Variants in PRKN observed in about 807,000 individuals in gnomAD.
PRKN encodes parkin RBR E3 ubiquitin protein ligase.
A neutral mutation model predicts 59.5 loss-of-function variants in PRKN; 56 were observed. The observed-to-expected ratio is 0.94, with a 90% CI of 0.76 to 1.18. The LOEUF (loss-of-function observed/expected upper bound fraction) is 1.18. Ranked by LOEUF, PRKN falls within the 50% of genes most tolerant of loss-of-function variation. PRKN has a pLI of 0.00. For missense variants in PRKN, 657 were observed against 596.4 expected (o/e 1.10, Z -1.06); for synonymous variants, 250 against 222.1 (o/e 1.13, Z -1.12).
chr6:162,074,478 T>G (rs1228339486), intron 4 of PRKN, among the ~76,000 whole-genome samples: 1 of 149,038 alleles, frequency 6.7e-6, no homozygotes, highest in Non-Finnish European at 1.5e-5. Flanking sequence ...TGGGGACTGT[T>G]GTGTGGTGGG....
chr6:161,687,045 A>G (rs780339018), intron 7 of PRKN, among the ~76,000 whole-genome samples: 4 of 152,160 alleles, frequency 2.6e-5, no homozygotes, highest in African/African-American at 4.8e-5. Context: ...AGAATCAAGA[A>G]GTCATGTTTG....
At chr6:161,597,074 G>C (rs1781941371) in intron 7 of PRKN, among the ~76,000 whole-genome samples, 2 of 152,188 alleles carry the variant, frequency 1.3e-5, no homozygotes, top group East Asian at 1.9e-4. Flanking sequence ...AAATTCAAAA[G>C]AACAAGAGGC....
chr6:161,721,206 T>TA (rs1224093487), intron 7 of PRKN, among the ~76,000 whole-genome samples: 1 of 152,252 alleles, frequency 6.6e-6, no homozygotes, highest in Non-Finnish European at 1.5e-5. Context: ...TGTGTATGTA[T>TA]AAAATGTATA....
At chr6:161,477,759 A>C (rs981707584) in intron 9 of PRKN, among the ~76,000 whole-genome samples, 2 of 152,218 alleles carry the variant, frequency 1.3e-5, no homozygotes, top group Admixed American at 1.3e-4. Flanking sequence ...AGAATGCATA[A>C]GCATTACAAA....
chr6:162,352,046 G>A (rs1784647939), intron 2 of PRKN, among the ~76,000 whole-genome samples: 1 of 152,116 alleles, frequency 6.6e-6, no homozygotes, highest in South Asian at 2.1e-4. Context: ...ACCCTACCGG[G>A]TCAGATACAA....
At chr6:162,477,661 T>A (rs971030965) in intron 1 of PRKN, among the ~76,000 whole-genome samples, 1 of 152,166 alleles carries the variant, frequency 6.6e-6, no homozygotes, top group Non-Finnish European at 1.5e-5. Context: ...CCTTTCAGTA[T>A]CCACTCTTTT....
intron 4 of PRKN, among the ~76,000 whole-genome samples, chr6:162,069,142 C>T (rs935919517): frequency 6.6e-5 from 10 of 152,110 alleles, no homozygotes; most frequent in East Asian, 5.8e-4. Flanking sequence ...AGAATTCCCA[C>T]GTGTTGTGGG....
In PRKN at chr6:162,606,006, T is replaced by A. The variant is rs549755440; in HGVS notation, c.7+121656A>T. On this transcript the variant is annotated intron_variant, in intron 1 of 11. Transcript: ENST00000366898. ...AAATGCAGAGATTCAAAGTTTATTG[T>A]TAATCTTAGATTCCAAGGCCATACA... is the stretch of plus-strand genomic sequence containing the variant. Among the ~76,000 whole-genome samples the A allele has an allele frequency of 3.9e-5, 6 of 152,354 alleles. No homozygotes were observed. In the East Asian group the frequency reaches 1.2e-3, roughly 29 times the overall value.
chr6:162,631,179 A>T (rs983331842), intron 1 of PRKN, among the ~76,000 whole-genome samples: 3 of 152,188 alleles, frequency 2.0e-5, no homozygotes, highest in Non-Finnish European at 4.4e-5. Flanking sequence ...CTTTTAGAGC[A>T]GAGTCATCTG....
At chr6:162,174,792 A>T (rs1425904952) in intron 4 of PRKN, among the ~76,000 whole-genome samples, 1 of 152,214 alleles carries the variant, frequency 6.6e-6, no homozygotes, top group African/African-American at 2.4e-5. Flanking sequence ...TTGGTGTTTT[A>T]CAAATTGAAT....
intron 1 of PRKN, among the ~76,000 whole-genome samples, chr6:162,677,466 G>GAAA (rs10712151): frequency 5.3e-4 from 48 of 91,332 alleles, no homozygotes; most frequent in Non-Finnish European, 8.4e-4. Context: ...GCACTGTGGA[G>GAAA]AAAAAAAAAA....
chr6:161,816,754 C>T (rs1791800826), intron 6 of PRKN, among the ~76,000 whole-genome samples: 1 of 151,796 alleles, frequency 6.6e-6, no homozygotes, highest in African/African-American at 2.4e-5. Context: ...TGTTCATGCG[C>T]AGTCACTTTC....
In PRKN at chr6:161,400,762, G is replaced by C. The variant is rs1241711329; in HGVS notation, c.1084-13885C>G. Among the ~76,000 whole-genome samples, 2 of 151,992 alleles carry C rather than the reference G, an allele frequency of 1.3e-5. No individual in the cohort carries two copies. The highest frequency in any genetic ancestry group is 1.3e-4 in the Admixed American group (2 of 15,270). On this transcript the variant is annotated intron_variant, in intron 9 of 11. Transcript: ENST00000366898. This position sits in a 1 kb window ranked among gnomAD's most constrained non-coding sequence, Gnocchi z 4.2. ...AAGAGCTGCAGGGGACAGAAAATCA[G>C]TCAAATTAAAGAAAATATGAGGCGT...
At chr6:161,870,363 T>A (rs1794295311) in intron 6 of PRKN, among the ~76,000 whole-genome samples, 1 of 152,130 alleles carries the variant, frequency 6.6e-6, no homozygotes. Flanking sequence ...ATGGCTGTGT[T>A]TCAATGTCCT....
Position 161,414,238 on chromosome 6 carries a change from G to A in PRKN, c.1084-27361C>T, listed in dbSNP as rs371692263. On this transcript the variant is annotated intron_variant, in intron 9 of 11. Coordinates refer to ENST00000366898, the MANE Select transcript of PRKN (RefSeq NM_004562.3). This position sits in a 1 kb window ranked among gnomAD's most constrained non-coding sequence, Gnocchi z 5.3. The stretch of plus-strand genomic sequence containing the variant: ...GGCTCTTTCCAGCATTTTCTCCCCA[G>A]ATGTCAGAGCCGTGCACCCTTCTCC... Among the ~76,000 whole-genome samples, 34 of 152,298 alleles carry A rather than the reference G, an allele frequency of 2.2e-4. No individual in the cohort carries two copies. Among genetic ancestry groups the A allele is most frequent in the African/African-American group, 7.7e-4 (32 of 41,552 alleles).
chr6:162,656,148 C>T (rs559506394), intron 1 of PRKN, among the ~76,000 whole-genome samples: 1 of 152,274 alleles, frequency 6.6e-6, no homozygotes, highest in South Asian at 2.1e-4. Context: ...AGGTGGCATT[C>T]GCTAACAAGA....
chr6:161,475,539 T>C lies in PRKN; in HGVS notation c.1083+73315A>G, dbSNP rs1791024537. On this transcript the variant is annotated intron_variant, in intron 9 of 11. Transcript: ENST00000366898. The surrounding 1 kb of genome is among the most constrained non-coding windows in gnomAD (Gnocchi z 5.3). The stretch of plus-strand genomic sequence containing the variant: ...ATATTTTTGAGACGAGGTCTCGCTC[T>C]GTGGCCCAGGCTGGAGTGCCGCGGT... Among the ~76,000 whole-genome samples, 1 of 152,228 alleles carries C rather than the reference T, an allele frequency of 6.6e-6. No homozygotes were observed. The highest frequency in any genetic ancestry group is 1.5e-5 in the Non-Finnish European group (1 of 68,038).
rs1397486689 is a variant in PRKN, at chr6:161,453,715, A to C, written c.1084-66838T>G. 4.4e-5 allele frequency among the ~76,000 whole-genome samples: 6 copies of C among 135,874 alleles called. No individual in the cohort carries two copies. The South Asian group carries it at 7.1e-4, about 16-fold the overall frequency. 89.1% of individuals were successfully genotyped at this position (135,874 alleles called of 152,430 possible). A position where few individuals can be genotyped will look rare whatever the true frequency, so the allele number is the denominator to read the frequency against. On this transcript the variant is annotated intron_variant, in intron 9 of 11. Coordinates refer to ENST00000366898, the MANE Select transcript of PRKN (RefSeq NM_004562.3). ...CCAACTAATGCACAACGGTCGGTCC[A>C]TCCCTCCCTCCCTCCCTCCCTCCCT...
At chr6:161,398,124 G>A (rs1433391688) in intron 9 of PRKN, among the ~76,000 whole-genome samples, 1 of 152,132 alleles carries the variant, frequency 6.6e-6, no homozygotes, top group Non-Finnish European at 1.5e-5. Flanking sequence ...AAAATCCTAG[G>A]AGAGTCACAT....
Sources: gnomAD v4.1 joint callset for allele counts (sites outside exome capture counted in the v4.1 genomes callset) on GRCh38, gnomAD v4.1.1 for gene constraint, Gnocchi (gnomAD v3.1) non-coding constraint, MANE v1.5 for transcripts, NCBI Gene and HGNC (gene_info 2026-07-23, HGNC 2026-07-21) for gene names.